TRAPPC11: variants seen among roughly 807,000 people sequenced by gnomAD.
TRAPPC11 encodes the protein foie gras homolog.
TRAPPC11 carries 104 observed loss-of-function variants against 151.2 expected under a neutral mutation model. The ratio of observed to expected loss-of-function variants is 0.69; its 90% CI spans 0.59 to 0.81. TRAPPC11 has a LOEUF of 0.81. Among genes scored for constraint, TRAPPC11 ranks in the 30% least tolerant of loss-of-function variants. The pLI is 0.00. For missense variants in TRAPPC11, 1,230 were observed against 1,349.6 expected, an observed-to-expected ratio of 0.91 and a Z score of 1.39; for synonymous variants, 456 against 472.3, an observed-to-expected ratio of 0.97 and a Z score of 0.45.
At chr4:183,698,380 G>A (rs1333951975) in intron 25 of TRAPPC11, among the ~76,000 whole-genome samples, 1 of 151,674 alleles carries the variant, frequency 6.6e-6, no homozygotes, top group Admixed American at 6.6e-5. Context: ...CTTGAAACTC[G>A]GTTTTCTCTT....
At position 183,667,437 on chromosome 4, in the gene TRAPPC11, T is replaced by A. The variant is rs565427321; in HGVS notation, c.445+307T>A. 9.0e-3 allele frequency among the ~76,000 whole-genome samples: 1,377 copies of A among 152,324 alleles called. 16 individuals carry two copies. Among genetic ancestry groups the A allele is most frequent in the African/African-American group, 0.032 (1,318 of 41,580 alleles). ...GAATTTTTTTACAAGAGTATAATTT[T>A]TTTTGACTTCCAAAGCTTTCCAAAA... is the stretch of plus-strand genomic sequence containing the variant. On this transcript the variant is annotated intron_variant, in intron 4 of 29. Coordinates refer to ENST00000334690, the MANE Select transcript of TRAPPC11 (RefSeq NM_021942.6).
rs1466846744 is a variant in TRAPPC11 at position 183,693,687 on chromosome 4, A to G, written c.2336A>G (p.His779Arg). ...TGTTTGGTTGTGACTGTTCAGTCCC[A>G]TGAAAAGACCCAAATCAGAGATGTG... ...MYCLVVTVQS[H>R]EKTQIRDVKL... is the part of the protein sequence containing the mutation. The change falls in exon 21 of 30, where the codon CAT (histidine) becomes CGT (arginine). Residue 779 changes from histidine (H) to arginine (R), a missense_variant. By Grantham distance (29) the His-to-Arg change is conservative. Transcript: ENST00000334690. The G allele has an allele frequency of 6.2e-7, 1 of 1,614,188 alleles. No homozygotes were observed. The highest frequency in any genetic ancestry group is 8.5e-7 in the Non-Finnish European group (1 of 1,180,032).
rs1734887228 is a variant in TRAPPC11 at position 183,666,438 on chromosome 4, T to A, written c.374+12T>A. 1 of 1,610,752 alleles carries A rather than the reference T, an allele frequency of 6.2e-7. No homozygotes were observed. Among genetic ancestry groups the A allele is most frequent in the Admixed American group, 1.7e-5 (1 of 59,640 alleles). On this transcript the variant is annotated intron_variant, in intron 3 of 29. Coordinates refer to ENST00000334690, the MANE Select transcript of TRAPPC11 (RefSeq NM_021942.6). ...GTGGAAATAGTCAGGTATGATCTTCTGTGTCAGGGCAGCTATGTCAGTTTG... is the reference window on the plus strand; with the variant it reads ...GTGGAAATAGTCAGGTATGATCTTCAGTGTCAGGGCAGCTATGTCAGTTTG...
chr4:183,687,337 CT>C (rs34469478), intron 18 of TRAPPC11, among the ~76,000 whole-genome samples: 74,538 of 150,888 alleles, frequency 0.49, 19,019 homozygotes, highest in African/African-American at 0.63. Flanking sequence ...TATATATATA[CT>C]TTTTTTTTCT....
intron 29 of TRAPPC11, among the ~76,000 whole-genome samples, chr4:183,710,003 A>G (rs1440646963): frequency 6.6e-6 from 1 of 152,114 alleles, no homozygotes; most frequent in African/African-American, 2.4e-5. Flanking sequence ...GACTTTTTGA[A>G]GTTTGCTATT....
At chr4:183,707,002 G>C (rs1427759595) in intron 28 of TRAPPC11, 62 bp downstream of exon 28, 3 of 1,570,686 alleles carry the variant, frequency 1.9e-6, no homozygotes, top group African/African-American at 2.7e-5. Flanking sequence ...ACGGAGAGCT[G>C]TACCTTTAGT....
rs1366071935 is a variant in TRAPPC11 at position 183,662,351 on chromosome 4, T to C, written c.-21-1496T>C. Among the ~76,000 whole-genome samples, 5 of 79,884 alleles carry C rather than the reference T, an allele frequency of 6.3e-5. No individual in the cohort carries two copies. In the East Asian group the frequency reaches 1.1e-3, roughly 17 times the overall value. The allele number at this position is 79,884 out of a possible 152,430, so 52.4% of individuals were successfully genotyped here. The stretch of plus-strand genomic sequence containing the variant: ...AGCCTGGTGACAGAGTGATACTCCG[T>C]CTCAAAAAAAAAAAAAAAAAAGAAC... On this transcript the variant is annotated intron_variant, in intron 1 of 29. Coordinates refer to ENST00000334690, the MANE Select transcript of TRAPPC11 (RefSeq NM_021942.6).
At position 183,692,987 on chromosome 4, in the gene TRAPPC11, A is replaced by C. The variant is rs374682349; in HGVS notation, c.2077A>C (p.Asn693His). The change falls in exon 20 of 30, where the codon AAT (asparagine) becomes CAT (histidine). Residue 693 changes from asparagine to histidine, a missense_variant. Transcript: ENST00000334690. ...EITSVDLALG[N>H]ETGRCVVLNW... is the part of the protein sequence containing the mutation. The stretch of plus-strand genomic sequence containing the variant: ...TACTTCAGTGGATCTTGCTCTGGGC[A>C]ATGAGACGGGAAGATGTGTGGTTTT... The C allele has an allele frequency of 2.8e-5, 45 of 1,612,700 alleles. No homozygotes were observed. The highest frequency in any genetic ancestry group is 1.3e-4 in the Admixed American group (8 of 59,846).
At chr4:183,695,305 A>G (rs768974865) in intron 23 of TRAPPC11, among the ~76,000 whole-genome samples, 2 of 152,164 alleles carry the variant, frequency 1.3e-5, no homozygotes, top group Non-Finnish European at 2.9e-5. Context: ...CAAATCACAC[A>G]TGAGATAAAA....
intron 17 of TRAPPC11, among the ~76,000 whole-genome samples, chr4:183,685,893 G>T (rs1735938697): frequency 6.6e-6 from 1 of 152,060 alleles, no homozygotes; most frequent in Admixed American, 6.5e-5. Flanking sequence ...GAGTGCAGTG[G>T]CATGATCTCA....
In TRAPPC11 at chr4:183,701,754, T is replaced by C. The variant is rs1354850019; in HGVS notation, c.2909T>C (p.Leu970Pro). Residue 970 changes from leucine (L) to proline (P), a missense_variant, in exon 26 of 30, where the codon CTT becomes CCT. Coordinates refer to ENST00000334690, the MANE Select transcript of TRAPPC11 (RefSeq NM_021942.6). ...SECFCLQCPSLGNIEGGVATG... is the reference protein window; with the variant it reads ...SECFCLQCPSPGNIEGGVATG... The stretch of plus-strand genomic sequence containing the variant: ...TGCTTTTGTCTTCAATGCCCATCTC[T>C]TGGAAATATTGAAGGTGGAGTAGCA... The C allele has an allele frequency of 6.2e-7, 1 of 1,613,938 alleles. No homozygotes were observed. The highest frequency in any genetic ancestry group is 8.5e-7 in the Non-Finnish European group (1 of 1,179,964).
At chr4:183,682,887 GA>G in intron 11 of TRAPPC11, 62 bp downstream of exon 11, 2 of 1,096,412 alleles carry the variant, frequency 1.8e-6, no homozygotes, top group Non-Finnish European at 2.8e-6. Context: ...AGCTATAATA[GA>G]TTTTCCATTG....
chr4:183,677,479 T>A lies in TRAPPC11; in HGVS notation c.756T>A (p.Asn252Lys). The A allele has an allele frequency of 6.2e-7, 1 of 1,607,448 alleles. No homozygotes were observed. The highest frequency in any genetic ancestry group is 8.5e-7 in the Non-Finnish European group (1 of 1,174,610). ...NALKNYRTAY[N>K]LVHELRAHET... ...TTAGGAATTATAGGACCGCCTATAA[T>A]CTTGTACACGAATTGAGAGCCCATG... Residue 252 changes from asparagine (N) to lysine (K), a missense_variant, in exon 8 of 30, where the codon AAT becomes AAA. Physicochemically the swap from Asn to Lys is moderately conservative, Grantham distance 94 (BLOSUM62 0). Transcript: ENST00000334690.
intron 1 of TRAPPC11, among the ~76,000 whole-genome samples, chr4:183,661,556 A>G (rs1184336418): frequency 6.6e-6 from 1 of 151,302 alleles, no homozygotes; most frequent in Non-Finnish European, 1.5e-5. Context: ...TGTTTTTAGT[A>G]GAGACGGGGT....
At chr4:183,663,733 GTT>G in intron 1 of TRAPPC11, 112 bp from the exon 2 acceptor site, 1 of 567,646 alleles carries the variant, frequency 1.8e-6, no homozygotes, top group South Asian at 2.2e-5. Context: ...ATGAATATGA[GTT>G]GTTTTTTTTT....
rs769439424 is a variant in TRAPPC11, at chr4:183,667,134, T to A, written c.445+4T>A. 3 of 1,600,528 alleles carry A rather than the reference T, an allele frequency of 1.9e-6. No homozygotes were observed. The African/African-American group carries it at 4.0e-5, about 21-fold the overall frequency. On this transcript the variant is annotated splice_donor_region_variant and intron_variant, in intron 4 of 29. Coordinates refer to ENST00000334690, the MANE Select transcript of TRAPPC11 (RefSeq NM_021942.6). Reference sequence around the variant, plus strand: ...AAGAAAACCCCTTTGCCCCCAGGTATCAGAAGTCTAATTAATGAATTAATT... The same window carrying A: ...AAGAAAACCCCTTTGCCCCCAGGTAACAGAAGTCTAATTAATGAATTAATT...
intron 29 of TRAPPC11, among the ~76,000 whole-genome samples, chr4:183,709,232 C>G (rs1737223938): frequency 1.3e-5 from 2 of 152,158 alleles, no homozygotes; most frequent in Admixed American, 1.3e-4. Context: ...GCTGTGCGCC[C>G]TCTTTTAAGT....
At position 183,677,111 on chromosome 4, in the gene TRAPPC11, G is replaced by A. The variant is rs562343958; in HGVS notation, c.735-347G>A. ...ACCTTTGCTAATAAAATTTCTATTT[G>A]TTTGAGAGCTTGTAATGGTACTTTA... On this transcript the variant is annotated intron_variant, in intron 7 of 29. Coordinates refer to ENST00000334690, the MANE Select transcript of TRAPPC11 (RefSeq NM_021942.6). Among the ~76,000 whole-genome samples, 5 of 151,904 alleles carry A rather than the reference G, an allele frequency of 3.3e-5. No individual in the cohort carries two copies. In the South Asian group the frequency reaches 1.0e-3, roughly 31 times the overall value.
intron 17 of TRAPPC11, among the ~76,000 whole-genome samples, chr4:183,685,711 G>A (rs1735931539): frequency 6.6e-6 from 1 of 151,900 alleles, no homozygotes; most frequent in Admixed American, 6.6e-5. Flanking sequence ...ATAATAAAAT[G>A]GTTCTTTTTC....
Sources: allele counts gnomAD v4.1 joint callset (sites outside exome capture counted in the v4.1 genomes callset), GRCh38; gene constraint gnomAD v4.1.1; transcripts MANE v1.5; gene names NCBI Gene and HGNC (gene_info 2026-07-23, HGNC 2026-07-21).